AOPEP: variants seen among roughly 807,000 people sequenced by gnomAD.
The protein encoded by AOPEP is aminopeptidase O (putative), also known as aminopeptidase O.
Under a neutral mutation model 98.1 loss-of-function variants are expected in AOPEP, and 77 were observed. That is an observed-to-expected ratio of 0.78 (90% CI 0.65 to 0.95). The LOEUF is 0.95. Among genes scored for constraint, AOPEP ranks in the 40% least tolerant of loss-of-function variants. The pLI, the probability that AOPEP is intolerant of heterozygous loss-of-function variation, is 0.00. For synonymous variants in AOPEP, 346 were observed against 365.3 expected (o/e 0.95, Z 0.60); for missense variants, 1,024 against 1,024.7 (o/e 1.00, Z 0.01).
intron 5 of AOPEP, among the ~76,000 whole-genome samples, chr9:94,866,870 A>G (rs2045761630): frequency 1.3e-5 from 2 of 152,210 alleles, no homozygotes; most frequent in South Asian, 4.1e-4. Context: ...ACTCATAATC[A>G]GTTTATAAAA....
the AOPEP span, chr9:95,123,524 A>C: frequency 1.4e-4 from 71 of 503,016 alleles, 1 homozygote; most frequent in South Asian, 1.0e-3. Context: ...CTCCAATATG[A>C]TGAAAAAAAG....
intron 5 of AOPEP, among the ~76,000 whole-genome samples, chr9:94,867,686 C>T (rs954910154): frequency 6.6e-6 from 1 of 152,158 alleles, no homozygotes; most frequent in African/African-American, 2.4e-5. Flanking sequence ...CCTTTGCAAA[C>T]ACCTTGGCCT....
intron 14 of AOPEP, among the ~76,000 whole-genome samples, chr9:95,065,740 G>C (rs1013422104): frequency 6.6e-6 from 1 of 152,324 alleles, no homozygotes; most frequent in Middle Eastern, 3.4e-3. Context: ...AGGGCAAGTT[G>C]ACACTTGCCA....
rs752541021 is a variant in AOPEP at position 95,080,761 on chromosome 9, G to A, written c.2300G>A (p.Arg767Lys). ...KFTKAYKSVE[R>K]FLQEDQAMGV... The stretch of plus-strand genomic sequence containing the variant: ...ACGAAAGCCTACAAAAGTGTGGAGA[G>A]GTTCCTTCAGGAGGATCAGGTAGGT... Residue 767 changes from arginine to lysine, a missense_variant, in exon 15 of 17, where the codon AGG (arginine) becomes AAG (lysine). Coordinates refer to ENST00000375315, the MANE Select transcript of AOPEP (RefSeq NM_001193329.3). 4 of 1,613,828 alleles carry A rather than the reference G, an allele frequency of 2.5e-6. No homozygotes were observed. The highest frequency in any genetic ancestry group is 2.5e-6 in the Non-Finnish European group (3 of 1,179,848).
At chr9:95,110,007 A>T in the AOPEP span, among the ~76,000 whole-genome samples, 1 of 152,228 alleles carries the variant, frequency 6.6e-6, no homozygotes, top group Non-Finnish European at 1.5e-5. Context: ...AGTCACCAAC[A>T]TGAGCACTGG....
intron 5 of AOPEP, among the ~76,000 whole-genome samples, chr9:94,889,796 G>C (rs1414590300): frequency 1.3e-5 from 2 of 152,108 alleles, no homozygotes; most frequent in Non-Finnish European, 2.9e-5. Flanking sequence ...ATTTCTTCTA[G>C]CAGTGTATGA....
At chr9:95,099,806 G>A in the AOPEP span, 8 of 232,424 alleles carry the variant, frequency 3.4e-5, no homozygotes, top group African/African-American at 8.8e-5. Context: ...CAGATGGGCC[G>A]AGGTCAGGGC....
intron 9 of AOPEP, among the ~76,000 whole-genome samples, chr9:94,956,497 C>T (rs771760811): frequency 2.0e-5 from 3 of 152,218 alleles, no homozygotes; most frequent in Admixed American, 6.5e-5. Flanking sequence ...CTCCACTCTA[C>T]GTATATGCCC....
the AOPEP span, among the ~76,000 whole-genome samples, chr9:95,124,026 C>A: frequency 5.6e-5 from 8 of 143,692 alleles, no homozygotes; most frequent in African/African-American, 1.8e-4. Context: ...ATCACCTGAG[C>A]TTGGGGGGTT....
chr9:94,925,666 C>T (rs557316641), intron 6 of AOPEP, among the ~76,000 whole-genome samples: 18 of 152,290 alleles, frequency 1.2e-4, no homozygotes, highest in South Asian at 2.1e-4. Flanking sequence ...ATACCCTGGC[C>T]GTGGACCCAG....
chr9:95,086,307 A>G, intron 16 of AOPEP: 1 of 985,464 alleles, frequency 1.0e-6, no homozygotes, highest in Non-Finnish European at 1.2e-6. Flanking sequence ...GCCTGAAGGC[A>G]GGACACAGTG....
At chr9:95,141,892 T>G in the AOPEP span, among the ~76,000 whole-genome samples, 1 of 151,898 alleles carries the variant, frequency 6.6e-6, no homozygotes, top group African/African-American at 2.4e-5. Context: ...GGGAAAAATA[T>G]GAGTTTGCAA....
intron 1 of AOPEP, among the ~76,000 whole-genome samples, chr9:94,754,408 G>A (rs1836530104): frequency 1.3e-5 from 2 of 152,200 alleles, no homozygotes; most frequent in South Asian, 4.1e-4. Flanking sequence ...TGTGCTCTAT[G>A]CTATAGAATG....
At chr9:95,028,204 C>T (rs993609495) in intron 13 of AOPEP, among the ~76,000 whole-genome samples, 1 of 152,222 alleles carries the variant, frequency 6.6e-6, no homozygotes, top group Admixed American at 6.5e-5. Context: ...AATAAACAAC[C>T]TCAACTGAAC....
chr9:94,741,074 G>A (rs1410195019), intron 1 of AOPEP, among the ~76,000 whole-genome samples: 1 of 152,002 alleles, frequency 6.6e-6, no homozygotes, highest in East Asian at 1.9e-4. Context: ...TTCTCTGTTG[G>A]GTTGGGGTGG....
chr9:94,924,254 G>C (rs2053998194), intron 6 of AOPEP, 79 bp downstream of exon 6: 1 of 1,206,192 alleles, frequency 8.3e-7, no homozygotes, highest in Admixed American at 4.1e-5. Context: ...CAACAGCTAT[G>C]GACTGAGGGC....
chr9:95,044,224 AAAG>A (rs1243651825), intron 13 of AOPEP, among the ~76,000 whole-genome samples: 1 of 152,244 alleles, frequency 6.6e-6, no homozygotes, highest in Non-Finnish European at 1.5e-5. Flanking sequence ...AGGCTTAAAA[AAAG>A]TATTATCTTT....
chr9:95,148,459 A>C, the AOPEP span, among the ~76,000 whole-genome samples: 5 of 152,356 alleles, frequency 3.3e-5, no homozygotes, highest in Middle Eastern at 0.01. Flanking sequence ...TCAGTCCCCT[A>C]AGGAAAATGA....
chr9:95,136,321 C>G, the AOPEP span, among the ~76,000 whole-genome samples: 58 of 152,070 alleles, frequency 3.8e-4, no homozygotes, highest in Middle Eastern at 3.4e-3. Flanking sequence ...ATCGCTAGAG[C>G]CCAGGAGGCT....
Sources: gnomAD v4.1 joint callset for allele counts (sites outside exome capture counted in the v4.1 genomes callset) on GRCh38, gnomAD v4.1.1 for gene constraint, MANE v1.5 for transcripts, NCBI Gene and HGNC (gene_info 2026-07-23, HGNC 2026-07-21) for gene names.